Variants in HSF1 observed in about 807,000 individuals in gnomAD.
The protein encoded by HSF1 is heat shock factor protein 1.
A neutral mutation model predicts 51.7 loss-of-function variants in HSF1; 32 were observed. That is an observed-to-expected ratio of 0.62 (90% confidence interval 0.47 to 0.83). The LOEUF is 0.83. Ranked by LOEUF, HSF1 falls within the 40% of genes least tolerant of loss-of-function variation. The pLI, the probability that HSF1 is intolerant of heterozygous loss-of-function variation, is 0.00. For synonymous variants in HSF1, 396 were observed against 309.7 expected (o/e 1.28, Z -2.92); for missense variants, 727 against 717.0 (o/e 1.01, Z -0.16).
intron 9 of HSF1, chr8:144,312,609 T>C (rs759949185): frequency 3.9e-6 from 6 of 1,533,942 alleles, no homozygotes; most frequent in Non-Finnish European, 5.2e-6. Flanking sequence ...ATGGGGGCTC[T>C]TGTTTTTGTA....
Position 144,314,284 on chromosome 8 carries a change from T to A in HSF1, c.1544T>A (p.Leu515Gln), listed in dbSNP as rs1554846207. Residue 515 changes from leucine (L) to glutamine (Q), a missense_variant, in exon 13 of 13, where the codon CTG (leucine) becomes CAG (glutamine). Leu to Gln is a moderately radical substitution (Grantham distance 113). This residue lies in a region of HSF1 where 470 missense variants were observed against 398.8 expected (regional missense o/e 1.18). Transcript: ENST00000528838. Reference sequence around the variant, plus strand: ...GCCGAGGACCCCACCATCTCCCTGCTGACAGGCTCGGAGCCTCCCAAAGCC... The same window carrying A: ...GCCGAGGACCCCACCATCTCCCTGCAGACAGGCTCGGAGCCTCCCAAAGCC... ...GFAEDPTISL[L>Q]TGSEPPKAKD... 6.4e-7 allele frequency: 1 copy of A among 1,550,988 alleles called. No individual in the cohort carries two copies. Among genetic ancestry groups the A allele is most frequent in the South Asian group, 1.2e-5 (1 of 84,108 alleles).
intron 9 of HSF1, chr8:144,313,309 A>AG: frequency 1.8e-6 from 1 of 546,380 alleles, no homozygotes; most frequent in South Asian, 2.3e-5. Flanking sequence ...TGCCCAGCAT[A>AG]GGCCCAGCCG....
intron 9 of HSF1, chr8:144,312,865 A>T: frequency 1.5e-6 from 1 of 667,656 alleles, no homozygotes; most frequent in South Asian, 1.8e-5. Flanking sequence ...CAGTGTCGTC[A>T]TGGCTCCCCT....
At chr8:144,307,627 G>A (rs1403635723) in intron 1 of HSF1, among the ~76,000 whole-genome samples, 3 of 152,104 alleles carry the variant, frequency 2.0e-5, no homozygotes, top group African/African-American at 7.2e-5. Context: ...TCAGCTACTC[G>A]GGAGGCTGAG....
intron 1 of HSF1, among the ~76,000 whole-genome samples, chr8:144,301,536 A>C (rs1283904518): frequency 1.6e-4 from 24 of 152,158 alleles, no homozygotes; most frequent in African/African-American, 5.8e-4. Flanking sequence ...TATATAATCA[A>C]AGTGCTGGAA....
At chr8:144,308,867 C>T in intron 1 of HSF1, 39 bp from the exon 2 acceptor site, 2 of 1,541,724 alleles carry the variant, frequency 1.3e-6, no homozygotes, top group Admixed American at 1.7e-5. Context: ...CGCTGCCCCT[C>T]ACCACCACGC....
In HSF1 at chr8:144,314,165, G is replaced by A. The variant is rs782798225; in HGVS notation, c.1425G>A (p.Leu475=). The A allele has an allele frequency of 1.3e-6, 2 of 1,544,530 alleles. No individual in the cohort carries two copies. The highest frequency in any genetic ancestry group is 1.7e-6 in the Non-Finnish European group (2 of 1,146,244). ...LVHYTAQPLF[L]LDPGSVDTGS... ...ACTACACAGCGCAGCCGCTGTTCCT[G>A]CTGGACCCCGGCTCCGTGGACACCG... Residue 475 remains leucine (L), a synonymous_variant, in exon 13 of 13, where the codon CTG becomes CTA. Transcript: ENST00000528838.
chr8:144,314,217 G>A lies in HSF1; in HGVS notation c.1477G>A (p.Glu493Lys). 1.9e-6 allele frequency: 3 copies of A among 1,550,104 alleles called. No homozygotes were observed. The highest frequency in any genetic ancestry group is 2.6e-6 in the Non-Finnish European group (3 of 1,146,900). ...TGSNDLPVLF[E>K]LGEGSYFSEG... ...GAGCAACGACCTGCCGGTGCTGTTT[G>A]AGCTGGGAGAGGGCTCCTACTTCTC... is the stretch of plus-strand genomic sequence containing the variant. Residue 493 changes from glutamate (E) to lysine (K), a missense_variant, in exon 13 of 13, where the codon GAG becomes AAG. This residue lies in a region of HSF1 where 470 missense variants were observed against 398.8 expected (regional missense o/e 1.18). Coordinates refer to ENST00000528838, the MANE Select transcript of HSF1 (RefSeq NM_005526.4).
chr8:144,309,335 G>C, intron 2 of HSF1, 120 bp from the exon 3 acceptor site: 2 of 1,408,362 alleles, frequency 1.4e-6, no homozygotes, highest in Non-Finnish European at 2.0e-6. Flanking sequence ...GGGCTCTGAG[G>C]GGGCAGGGCA....
intron 1 of HSF1, among the ~76,000 whole-genome samples, chr8:144,296,668 G>A (rs556457623): frequency 4.6e-5 from 7 of 152,122 alleles, no homozygotes; most frequent in Non-Finnish European, 8.8e-5. Context: ...CTAGCTGGAC[G>A]TGGTGGTGGG....
At chr8:144,300,364 C>T (rs1815779394) in intron 1 of HSF1, among the ~76,000 whole-genome samples, 1 of 152,000 alleles carries the variant, frequency 6.6e-6, no homozygotes, top group Admixed American at 6.6e-5. Flanking sequence ...CTACAGGCAC[C>T]CGCCACCTCG....
intron 1 of HSF1, among the ~76,000 whole-genome samples, chr8:144,298,242 T>C (rs1391153928): frequency 6.6e-6 from 1 of 152,124 alleles, no homozygotes; most frequent in Non-Finnish European, 1.5e-5. Context: ...AGGGGTTGCC[T>C]GACATGTTCA....
Position 144,311,212 on chromosome 8 carries a change from G to T in HSF1, c.527G>T (p.Arg176Leu). The T allele has an allele frequency of 6.2e-7, 1 of 1,608,202 alleles. No homozygotes were observed. Among genetic ancestry groups the T allele is most frequent in the Non-Finnish European group, 8.5e-7 (1 of 1,177,736 alleles). Reference protein sequence around the residue: ...EALWREVASLRQKHAQQQKVV... With the variant: ...EALWREVASLLQKHAQQQKVV... ...CTGTGGCGGGAGGTGGCCAGCCTTCGGCAGAAGCATGCCCAGCAACAGAAA... is the reference window on the plus strand; with the variant it reads ...CTGTGGCGGGAGGTGGCCAGCCTTCTGCAGAAGCATGCCCAGCAACAGAAA... The change falls in exon 5 of 13, where the codon CGG becomes CTG. Residue 176 changes from arginine to leucine, a missense_variant. Physicochemically the swap from Arg to Leu is moderately radical, Grantham distance 102. Transcript: ENST00000528838.
chr8:144,292,951 T>C (rs987357085), intron 1 of HSF1, among the ~76,000 whole-genome samples: 1 of 109,760 alleles, frequency 9.1e-6, no homozygotes, highest in Non-Finnish European at 1.9e-5. Context: ...TGAGACCCTG[T>C]CTAAGAAAAA....
intron 7 of HSF1, 33 bp downstream of exon 7, chr8:144,311,634 A>G (rs782468645): frequency 2.5e-6 from 4 of 1,612,316 alleles, no homozygotes; most frequent in African/African-American, 2.7e-5. Context: ...CCGCCCAGGC[A>G]TGCAGGCGGC....
intron 1 of HSF1, among the ~76,000 whole-genome samples, chr8:144,304,467 A>G (rs936218469): frequency 6.6e-6 from 1 of 152,036 alleles, no homozygotes; most frequent in Admixed American, 6.6e-5. Flanking sequence ...TTTTGTAGAG[A>G]TGGGGTCTCG....
At position 144,314,405 on chromosome 8, in the gene HSF1, C is replaced by T. The variant is rs1554846322; in HGVS notation, c.*75C>T. 2.9e-6 allele frequency: 4 copies of T among 1,368,718 alleles called. No homozygotes were observed. The highest frequency in any genetic ancestry group is 4.0e-6 in the Non-Finnish European group (4 of 996,186). The allele number at this position is 1,368,718 out of a possible 1,614,324, so 84.8% of individuals were successfully genotyped here. On this transcript the variant is annotated 3_prime_UTR_variant, in exon 13 of 13. Transcript: ENST00000528838. ...GCTGGTCTTGGGGAGGCAGGGCAGC[C>T]TCGCGGTCTTGGGCACTGGTGGGTC...
intron 9 of HSF1, chr8:144,312,816 C>A: frequency 9.4e-7 from 1 of 1,068,710 alleles, no homozygotes; most frequent in Non-Finnish European, 1.4e-6. Context: ...AGCGTCGGGC[C>A]TGGGCGGCAG....
chr8:144,312,185 T>TTCCCCG lies in HSF1; in HGVS notation c.1083_1084insTCCCCG (p.Pro361_Pro362insSerPro). ...GCCACACGGACACCGAGGGCCGGCC[T>TTCCCCG]CCCTCCCCCCCGCCCACCTCCACCC... is the stretch of plus-strand genomic sequence containing the variant. On this transcript the variant is annotated inframe_insertion, in exon 9 of 13. Coordinates refer to ENST00000528838, the MANE Select transcript of HSF1 (RefSeq NM_005526.4). 6.5e-7 allele frequency: 1 copy of TTCCCCG among 1,532,954 alleles called. No homozygotes were observed. The highest frequency in any genetic ancestry group is 8.9e-7 in the Non-Finnish European group (1 of 1,117,514). 95.0% of individuals were successfully genotyped at this position (1,532,954 alleles called of 1,614,324 possible).
Sources: allele counts gnomAD v4.1 joint callset (sites outside exome capture counted in the v4.1 genomes callset), GRCh38; gene constraint gnomAD v4.1.1; regional missense constraint gnomAD v4.1.1; transcripts MANE v1.5; gene names NCBI Gene and HGNC (gene_info 2026-07-23, HGNC 2026-07-21).